Variants in RIOK1 observed in about 807,000 individuals in gnomAD.
The protein encoded by RIOK1 is RIO kinase 1.
Under a neutral mutation model 73.5 loss-of-function variants are expected in RIOK1, and 66 were observed. The observed-to-expected ratio is 0.90, with a 90% CI of 0.74 to 1.10. The LOEUF (loss-of-function observed/expected upper bound fraction) is 1.10, where lower values mean the gene tolerates loss of function less well. Ranked by LOEUF, RIOK1 falls within the 50% of genes least tolerant of loss-of-function variation. The pLI is 0.00. For synonymous variants in RIOK1, 224 were observed against 226.8 expected, an observed-to-expected ratio of 0.99 and a Z score of 0.11; for missense variants, 658 against 699.8, an observed-to-expected ratio of 0.94 and a Z score of 0.67.
Position 7,414,384 on chromosome 6 carries a change from T to A in RIOK1, c.1590T>A (p.Asp530Glu). ...PKKHTTDPDI[D>E]KKERKKMVKE... is the part of the protein sequence containing the mutation. ...AACACACCACGGACCCTGACATTGA[T>A]AAAAAAGTAAGCAATGAAATACCTT... The change falls in exon 16 of 17, where the codon GAT (aspartate) becomes GAA (glutamate). Residue 530 changes from aspartate to glutamate, a missense_variant. By Grantham distance (45) the Asp-to-Glu change is conservative. Transcript: ENST00000379834. 6.3e-7 allele frequency: 1 copy of A among 1,599,202 alleles called. No individual in the cohort carries two copies. The highest frequency in any genetic ancestry group is 8.5e-7 in the Non-Finnish European group (1 of 1,175,932).
At chr6:7,412,814 A>C in intron 14 of RIOK1, 75 bp from the exon 15 acceptor site, 1 of 673,198 alleles carries the variant, frequency 1.5e-6, no homozygotes, top group South Asian at 2.4e-5. Context: ...CATTGTTCTT[A>C]ATAGTGCAAT....
intron 14 of RIOK1, 117 bp downstream of exon 14, chr6:7,411,568 G>A: frequency 4.8e-6 from 5 of 1,047,418 alleles, no homozygotes; most frequent in Non-Finnish European, 7.1e-6. Context: ...CTGAGCTAGT[G>A]AAATGACTAA....
chr6:7,398,202 A>C (rs1561875571), intron 4 of RIOK1, among the ~76,000 whole-genome samples: 1 of 152,160 alleles, frequency 6.6e-6, no homozygotes, highest in Non-Finnish European at 1.5e-5. Flanking sequence ...ATGCCTCTAA[A>C]CAGAAAGCCT....
At chr6:7,390,261 G>A (rs1761296126) in intron 1 of RIOK1, among the ~76,000 whole-genome samples, 188 bp downstream of exon 1, 1 of 152,210 alleles carries the variant, frequency 6.6e-6, no homozygotes, top group Non-Finnish European at 1.5e-5. Context: ...GCAGAGTTAA[G>A]TGAAAGCTAC....
chr6:7,411,479 G>C (rs772136472), intron 14 of RIOK1, 28 bp downstream of exon 14: 4 of 1,612,800 alleles, frequency 2.5e-6, no homozygotes, highest in East Asian at 4.5e-5. Context: ...TATATAGCAA[G>C]CAGCTCTTCA....
In RIOK1 at chr6:7,417,844, C is replaced by G. The variant is rs969708004; in HGVS notation, c.*403C>G. 2 of 152,402 alleles carry G rather than the reference C, an allele frequency of 1.3e-5. No homozygotes were observed. The highest frequency in any genetic ancestry group is 4.8e-5 in the African/African-American group (2 of 41,432). The allele number at this position is 152,402 out of a possible 1,614,324, so 9.4% of individuals were successfully genotyped here. A position where few individuals can be genotyped will look rare whatever the true frequency, so the allele number is the denominator to read the frequency against. On this transcript the variant is annotated 3_prime_UTR_variant, in exon 17 of 17. Transcript: ENST00000379834. ...TGCTTTCTTTGTACACACCAGAGAC[C>G]CATCTGAGGTCATCTGATTATAAGG...
intron 16 of RIOK1, 40 bp downstream of exon 16, chr6:7,414,430 A>T (rs757146249): frequency 6.5e-7 from 1 of 1,530,904 alleles, no homozygotes; most frequent in East Asian, 2.3e-5. Flanking sequence ...TTAGTGTGGG[A>T]GCACAGCCGC....
intron 5 of RIOK1, 53 bp downstream of exon 5, chr6:7,398,793 CTT>C: frequency 3.5e-6 from 5 of 1,426,374 alleles, no homozygotes; most frequent in Non-Finnish European, 4.9e-6. Flanking sequence ...TTTCTTCTCT[CTT>C]TGAATTGTAG....
chr6:7,392,890 G>C, intron 1 of RIOK1: 13 of 983,170 alleles, frequency 1.3e-5, no homozygotes, highest in African/African-American at 1.7e-5. Context: ...TAGGCTTTGG[G>C]CATGGAGAAT....
At position 7,390,006 on chromosome 6, in the gene RIOK1, G is replaced by GACT; in HGVS notation, c.7_9dup (p.Tyr3dup). 6.4e-7 allele frequency: 1 copy of GACT among 1,552,484 alleles called. No individual in the cohort carries two copies. The highest frequency in any genetic ancestry group is 1.2e-5 in the South Asian group (1 of 84,170). On this transcript the variant is annotated inframe_insertion, in exon 1 of 17. Coordinates refer to ENST00000379834, the MANE Select transcript of RIOK1 (RefSeq NM_031480.3). ...CCTCCGGCGGCGCTCTCCAGTCATG[G>GACT]ACTACCGGCGGCTTCTCATGAGCCG...
chr6:7,413,622 G>A (rs1400052199), intron 15 of RIOK1, among the ~76,000 whole-genome samples: 2 of 152,178 alleles, frequency 1.3e-5, no homozygotes, highest in Non-Finnish European at 2.9e-5. Context: ...GTGTCATAAG[G>A]AAGTTATGCT....
rs1761602310 is a variant in RIOK1, at chr6:7,401,178, G to C, written c.573+128G>C. 10 of 671,210 alleles carry C rather than the reference G, an allele frequency of 1.5e-5. No individual in the cohort carries two copies. In the East Asian group the frequency reaches 2.8e-4, roughly 19 times the overall value. The allele number at this position is 671,210 out of a possible 1,614,324, so 41.6% of individuals were successfully genotyped here. On this transcript the variant is annotated intron_variant, in intron 6 of 16. Transcript: ENST00000379834. ...CAAAGCCATACACATTAATATTCAT[G>C]GTTAGAGAGGAAGTTGTACATATAA...
At chr6:7,403,180 T>C (rs951532079) in intron 8 of RIOK1, among the ~76,000 whole-genome samples, 7 of 152,236 alleles carry the variant, frequency 4.6e-5, no homozygotes, top group Non-Finnish European at 1.0e-4. Flanking sequence ...TTGTAAGCCA[T>C]TGAAAATGTT....
At chr6:7,408,174 TTA>T (rs1409047078) in intron 12 of RIOK1, among the ~76,000 whole-genome samples, 1 of 152,154 alleles carries the variant, frequency 6.6e-6, no homozygotes, top group Non-Finnish European at 1.5e-5. Flanking sequence ...ATAGCTGGGA[TTA>T]TGGGCACCTG....
chr6:7,394,988 A>G (rs2113500053), intron 2 of RIOK1, 65 bp from the exon 3 acceptor site: 1 of 1,593,888 alleles, frequency 6.3e-7, no homozygotes, highest in African/African-American at 1.3e-5. Context: ...AACTAAGGAA[A>G]TGTGATGATG....
rs1444084661 is a variant in RIOK1, at chr6:7,417,402, AAG to A, written c.1670_1671del (p.Arg557LysfsTer14). 1 of 1,569,124 alleles carries A rather than the reference AAG, an allele frequency of 6.4e-7. No individual in the cohort carries two copies. Among genetic ancestry groups the A allele is most frequent in the Admixed American group, 1.9e-5 (1 of 52,254 alleles). On this transcript the variant is annotated frameshift_variant, in exon 17 of 17. Transcript: ENST00000379834. LOFTEE classifies it high-confidence loss of function. ...KNKIPKHVKK[R>X]KEKTAKTKKG... ...ACAAAATTCCTAAACATGTGAAAAAAAGAAAGGAGAAGACAGCCAAGACGAAA... is the reference window on the plus strand; with the variant it reads ...ACAAAATTCCTAAACATGTGAAAAAAAAAGGAGAAGACAGCCAAGACGAAA...
intron 14 of RIOK1, chr6:7,411,712 A>T: frequency 2.5e-6 from 1 of 393,974 alleles, no homozygotes; most frequent in South Asian, 2.8e-5. Context: ...AGTCTAGGCT[A>T]TTAATGGTTA....
intron 13 of RIOK1, 64 bp from the exon 14 acceptor site, chr6:7,411,268 T>G: frequency 6.4e-7 from 1 of 1,561,226 alleles, no homozygotes; most frequent in South Asian, 1.1e-5. Context: ...GATGGAGGAG[T>G]ATGCTGTGTG....
rs768193659 is a variant in RIOK1 at position 7,417,429 on chromosome 6, A to G, written c.1695A>G (p.Lys565=). ...GAAAGGAGAAGACAGCCAAGACGAA[A>G]AAAGGCAAATAGAATGAGAACCATA... is the stretch of plus-strand genomic sequence containing the variant. ...KKRKEKTAKT[K]KGK Residue 565 remains lysine, a synonymous_variant, in exon 17 of 17, where the codon AAA becomes AAG. Coordinates refer to ENST00000379834, the MANE Select transcript of RIOK1 (RefSeq NM_031480.3). The G allele has an allele frequency of 7.8e-6, 12 of 1,547,218 alleles. No homozygotes were observed. Among genetic ancestry groups the G allele is most frequent in the African/African-American group, 2.7e-5 (2 of 72,730 alleles).
Sources: allele counts gnomAD v4.1 joint callset (sites outside exome capture counted in the v4.1 genomes callset), GRCh38; gene constraint gnomAD v4.1.1; transcripts MANE v1.5; gene names NCBI Gene and HGNC (gene_info 2026-07-23, HGNC 2026-07-21).